KCNQ1: variants seen among roughly 807,000 people sequenced by gnomAD.
KCNQ1 encodes the protein potassium voltage-gated channel subfamily KQT member 1.
A neutral mutation model predicts 72.4 loss-of-function variants in KCNQ1; 49 were observed. The ratio of observed to expected loss-of-function variants is 0.68; its 90% CI spans 0.54 to 0.86. The LOEUF (loss-of-function observed/expected upper bound fraction) is 0.86. Ranked by LOEUF, KCNQ1 falls within the 40% of genes least tolerant of loss-of-function variation. The pLI is 0.00. For missense variants in KCNQ1, 790 were observed against 945.1 expected, an observed-to-expected ratio of 0.84 and a Z score of 2.15; for synonymous variants, 450 against 412.6, an observed-to-expected ratio of 1.09 and a Z score of -1.10.
intron 15 of KCNQ1, chr11:2,839,602 AGAGGAAGAG>A (rs1261857304): frequency 2.7e-5 from 4 of 148,526 alleles, no homozygotes; most frequent in African/African-American, 8.0e-5. Context: ...GTGCGGGCCG[AGAGGAAGAG>A]GAAGGGAGGC....
chr11:2,461,826 A>G (rs111306503), intron 1 of KCNQ1: 416 of 661,420 alleles, frequency 6.3e-4, no homozygotes, highest in African/African-American at 5.6e-3. Flanking sequence ...AGCTGGATAG[A>G]TGAAGTACTG....
intron 2 of KCNQ1, among the ~76,000 whole-genome samples, chr11:2,548,467 A>T (rs895384996): frequency 6.6e-6 from 1 of 152,254 alleles, no homozygotes; most frequent in East Asian, 1.9e-4. Context: ...CGGTATAACT[A>T]TAATTTTTCC....
At chr11:2,640,932 C>G (rs1256237673) in intron 10 of KCNQ1, 8 of 399,060 alleles carry the variant, frequency 2.0e-5, no homozygotes, top group Non-Finnish European at 3.1e-5. Flanking sequence ...AGATAATTAT[C>G]TTTCTGTGCC....
In KCNQ1 at chr11:2,683,447, G is replaced by T; in HGVS notation, c.1514+21366G>T. 1 of 398,554 alleles carries T rather than the reference G, an allele frequency of 2.5e-6. No homozygotes were observed. Among genetic ancestry groups the T allele is most frequent in the South Asian group, 1.3e-4 (1 of 7,848 alleles). 24.7% of individuals were successfully genotyped at this position (398,554 alleles called of 1,614,324 possible). On this transcript the variant is annotated intron_variant, in intron 11 of 15. Coordinates refer to ENST00000155840, the MANE Select transcript of KCNQ1 (RefSeq NM_000218.3). This position sits in a 1 kb window ranked among gnomAD's most constrained non-coding sequence, Gnocchi z 4.7. ...GGAATGGGTAACTGGAAAAATGTAG[G>T]AATTACATATGATTCCATCAATGAC...
intron 11 of KCNQ1, among the ~76,000 whole-genome samples, chr11:2,757,385 A>G (rs1002512166): frequency 6.6e-6 from 1 of 152,242 alleles, no homozygotes; most frequent in African/African-American, 2.4e-5. Flanking sequence ...GTAAAGATGT[A>G]TATACTAAAA....
At position 2,462,959 on chromosome 11, in the gene KCNQ1, G is replaced by A. The variant is rs1157657170; in HGVS notation, c.386+17475G>A. On this transcript the variant is annotated intron_variant, in intron 1 of 15. Coordinates refer to ENST00000155840, the MANE Select transcript of KCNQ1 (RefSeq NM_000218.3). This position sits in a 1 kb window ranked among gnomAD's most constrained non-coding sequence, Gnocchi z 8.2. ...GGAGGGTCTTGGGGGAAGGCTGTGG[G>A]CCCTTGGGTGGAAGAGTCTTGGGTG... Among the ~76,000 whole-genome samples the A allele has an allele frequency of 6.6e-6, 1 of 152,172 alleles. No homozygotes were observed. The highest frequency in any genetic ancestry group is 1.5e-5 in the Non-Finnish European group (1 of 68,032).
At chr11:2,456,797 G>A (rs1428862339) in intron 1 of KCNQ1, among the ~76,000 whole-genome samples, 1 of 141,738 alleles carries the variant, frequency 7.1e-6, no homozygotes, top group Non-Finnish European at 1.5e-5. Context: ...AAATTAGCCG[G>A]GCGTGGGGGT....
At chr11:2,696,858 T>C in intron 11 of KCNQ1, 1 of 398,622 alleles carries the variant, frequency 2.5e-6, no homozygotes, top group Non-Finnish European at 4.4e-6. Context: ...AGTCAGTTGC[T>C]ATTGGCATAA....
In KCNQ1 at chr11:2,562,268, G is replaced by A. The variant is rs1212122603; in HGVS notation, c.478-8360G>A. 2.0e-5 allele frequency among the ~76,000 whole-genome samples: 3 copies of A among 152,142 alleles called. No individual in the cohort carries two copies. The highest frequency in any genetic ancestry group is 4.4e-5 in the Non-Finnish European group (3 of 67,998). On this transcript the variant is annotated intron_variant, in intron 2 of 15. Transcript: ENST00000155840. The surrounding 1 kb of genome is among the most constrained non-coding windows in gnomAD (Gnocchi z 7.5). ...TGAGGGCCCCAGCTGTGCCCAGCAC[G>A]TCACTGGGGGCCCACAAGCTCTCAG...
chr11:2,581,426 G>A (rs895899562), intron 6 of KCNQ1, among the ~76,000 whole-genome samples: 1 of 152,178 alleles, frequency 6.6e-6, no homozygotes, highest in Non-Finnish European at 1.5e-5. Context: ...GGAAGGTAGC[G>A]GCAGCCCAGC....
Position 2,781,897 on chromosome 11 carries a change from C to T in KCNQ1, c.1794+3860C>T, listed in dbSNP as rs1019493591. ...CACCACCTGACACTCCTTTCACTGC[C>T]TCCGGTCGCAGAATCCAGGCCTCCA... On this transcript the variant is annotated intron_variant, in intron 15 of 15. Coordinates refer to ENST00000155840, the MANE Select transcript of KCNQ1 (RefSeq NM_000218.3). The surrounding 1 kb of genome is among the most constrained non-coding windows in gnomAD (Gnocchi z 6.6). Among the ~76,000 whole-genome samples the T allele has an allele frequency of 6.6e-6, 1 of 152,108 alleles. No homozygotes were observed. The highest frequency in any genetic ancestry group is 1.5e-5 in the Non-Finnish European group (1 of 68,020).
intron 11 of KCNQ1, among the ~76,000 whole-genome samples, chr11:2,721,257 C>G (rs1214256857): frequency 6.6e-6 from 1 of 152,130 alleles, no homozygotes; most frequent in Non-Finnish European, 1.5e-5. Flanking sequence ...CCGTGGAGGT[C>G]GAGTTAAAAG....
At chr11:2,780,129 G>A (rs186921536) in intron 15 of KCNQ1, among the ~76,000 whole-genome samples, 6 of 152,262 alleles carry the variant, frequency 3.9e-5, no homozygotes, top group South Asian at 2.1e-4. Flanking sequence ...TCTCAGCCCC[G>A]CTGAGGGGTC....
chr11:2,763,335 G>GT (rs1846439598), intron 11 of KCNQ1, among the ~76,000 whole-genome samples: 1 of 150,620 alleles, frequency 6.6e-6, no homozygotes, highest in Non-Finnish European at 1.5e-5. Flanking sequence ...AGGCTGAAGT[G>GT]AGAGGATCAC....
rs1412894810 is a variant in KCNQ1, at chr11:2,687,901, T to C, written c.1514+25820T>C. 4 of 398,536 alleles carry C rather than the reference T, an allele frequency of 1.0e-5. No individual in the cohort carries two copies. Among genetic ancestry groups the C allele is most frequent in the Non-Finnish European group, 1.8e-5 (4 of 226,102 alleles). 24.7% of individuals were successfully genotyped at this position (398,536 alleles called of 1,614,324 possible). ...GTGTCCCGCGGAAATCCTGGTGGGATGGAAAATCCCCAGCAGTTGTGAGGC... is the reference window on the plus strand; with the variant it reads ...GTGTCCCGCGGAAATCCTGGTGGGACGGAAAATCCCCAGCAGTTGTGAGGC... On this transcript the variant is annotated intron_variant, in intron 11 of 15. Transcript: ENST00000155840. This position sits in a 1 kb window ranked among gnomAD's most constrained non-coding sequence, Gnocchi z 5.0.
At chr11:2,638,535 G>A (rs1020896744) in intron 10 of KCNQ1, 12 of 152,232 alleles carry the variant, frequency 7.9e-5, no homozygotes, top group African/African-American at 1.7e-4. Context: ...AGTTTCTGCT[G>A]AGAGATCCGC....
intron 1 of KCNQ1, among the ~76,000 whole-genome samples, chr11:2,499,051 C>T (rs1846966843): frequency 6.6e-6 from 1 of 152,180 alleles, no homozygotes; most frequent in African/African-American, 2.4e-5. Context: ...GTGGGCTGCA[C>T]CCACTGCCTA....
intron 11 of KCNQ1, chr11:2,667,970 G>C (rs146281416): frequency 3.0e-5 from 12 of 398,642 alleles, no homozygotes; most frequent in South Asian, 1.3e-4. Flanking sequence ...AGCCTCTCAG[G>C]CTCCCATTTC....
chr11:2,486,287 G>A lies in KCNQ1; in HGVS notation c.386+40803G>A, dbSNP rs1040872885. Among the ~76,000 whole-genome samples, 1 of 152,094 alleles carries A rather than the reference G, an allele frequency of 6.6e-6. No individual in the cohort carries two copies. ...CTTTTCATGCTCTTATTAGCCATTT[G>A]TATATCTTCTTTGGAGAATATCTCC... is the stretch of plus-strand genomic sequence containing the variant. On this transcript the variant is annotated intron_variant, in intron 1 of 15. Coordinates refer to ENST00000155840, the MANE Select transcript of KCNQ1 (RefSeq NM_000218.3). This position sits in a 1 kb window ranked among gnomAD's most constrained non-coding sequence, Gnocchi z 5.0.
Sources: gnomAD v4.1 joint callset for allele counts (sites outside exome capture counted in the v4.1 genomes callset) on GRCh38, gnomAD v4.1.1 for gene constraint, Gnocchi (gnomAD v3.1) non-coding constraint, MANE v1.5 for transcripts, NCBI Gene and HGNC (gene_info 2026-07-23, HGNC 2026-07-21) for gene names.